The following ANPEP variants were observed in gnomAD, a reference collection of about 807,000 sequenced individuals.
ANPEP encodes aminopeptidase N.
In ANPEP, 70 loss-of-function variants were observed where a neutral mutation model predicts 114.6. The observed-to-expected ratio is 0.61, with a 90% CI of 0.50 to 0.75. The LOEUF is 0.75. Ranked by LOEUF, ANPEP falls within the 30% of genes least tolerant of loss-of-function variation. ANPEP has a pLI of 0.00. For missense variants in ANPEP, 1,184 were observed against 1,259.5 expected, an observed-to-expected ratio of 0.94 and a Z score of 0.91; for synonymous variants, 548 against 522.3, an observed-to-expected ratio of 1.05 and a Z score of -0.67.
At chr15:89,787,368 CG>C (rs1427370774) in intron 20 of ANPEP, among the ~76,000 whole-genome samples, 1 of 152,002 alleles carries the variant, frequency 6.6e-6, no homozygotes, top group African/African-American at 2.4e-5. Context: ...GAAAAAACAT[CG>C]TCAGGTCTTT....
chr15:89,787,791 C>A (rs1050929233), intron 20 of ANPEP, among the ~76,000 whole-genome samples: 5 of 152,180 alleles, frequency 3.3e-5, no homozygotes, highest in African/African-American at 1.2e-4. Context: ...CATAGTAAGA[C>A]CCTCTCTCGA....
At chr15:89,792,933 G>T in intron 16 of ANPEP, 102 bp downstream of exon 16, 1 of 1,049,596 alleles carries the variant, frequency 9.5e-7, no homozygotes, top group Non-Finnish European at 1.5e-6. Context: ...TCCCTGCCTG[G>T]TGCCCCCGCA....
Position 89,797,642 on chromosome 15 carries a change from G to T in ANPEP, c.2090C>A (p.Ala697Asp). 6.2e-7 allele frequency: 1 copy of T among 1,614,144 alleles called. No homozygotes were observed. ...GAAGTAGCTCAGGCTGCTCAGGGCG[G>T]CCTCCCAGGGCATGTACTGTCTCTC... ...IEERQYMPWE[A>D]ALSSLSYFKL... is the part of the protein sequence containing the mutation. The change falls in exon 15 of 21, where the codon GCC (alanine) becomes GAC (aspartate). Residue 697 changes from alanine to aspartate, a missense_variant. Coordinates refer to ENST00000300060, the MANE Select transcript of ANPEP (RefSeq NM_001150.3).
Position 89,806,470 on chromosome 15 carries a change from G to C in ANPEP, c.114C>G (p.Asn38Lys). 1 of 1,614,130 alleles carries C rather than the reference G, an allele frequency of 6.2e-7. No homozygotes were observed. Among genetic ancestry groups the C allele is most frequent in the Non-Finnish European group, 8.5e-7 (1 of 1,180,004 alleles). Reference sequence around the variant, plus strand: ...CCACGGGGGAGCTGTTGGCGTTCTTGTTCTTCTCCTGGGAGTACACCACTG... The same window carrying C: ...CCACGGGGGAGCTGTTGGCGTTCTTCTTCTTCTCCTGGGAGTACACCACTG... ...ALSVVYSQEK[N>K]KNANSSPVAS... Residue 38 changes from asparagine (N) to lysine (K), a missense_variant, in exon 2 of 21, where the codon AAC becomes AAG. Physicochemically the swap from Asn to Lys is moderately conservative, Grantham distance 94. Transcript: ENST00000300060. The surrounding 1 kb of genome is among the most constrained non-coding windows in gnomAD (Gnocchi z 5.7).
intron 4 of ANPEP, 100 bp downstream of exon 4, chr15:89,804,978 G>A (rs1040749408): frequency 2.3e-5 from 36 of 1,537,990 alleles, no homozygotes; most frequent in African/African-American, 9.5e-5. Context: ...TTCCAACCCT[G>A]GCCTAACAAT....
In ANPEP at chr15:89,799,962, T is replaced by C. The variant is rs529771101; in HGVS notation, c.1820-403A>G. On this transcript the variant is annotated intron_variant, in intron 12 of 20. Transcript: ENST00000300060. This position sits in a 1 kb window ranked among gnomAD's most constrained non-coding sequence, Gnocchi z 4.2. Reference sequence around the variant, plus strand: ...CATTCACCCAGACCCCCAGTGCTGCTGTCTCTTTCTGGGGCTTAGTGCCCC... The same window carrying C: ...CATTCACCCAGACCCCCAGTGCTGCCGTCTCTTTCTGGGGCTTAGTGCCCC... Among the ~76,000 whole-genome samples, 10 of 152,270 alleles carry C rather than the reference T, an allele frequency of 6.6e-5. No homozygotes were observed. In the East Asian group the frequency reaches 1.9e-3, roughly 29 times the overall value.
In ANPEP at chr15:89,795,330, T is replaced by C. The variant is rs116634035; in HGVS notation, c.2158-2204A>G. Among the ~76,000 whole-genome samples the C allele has an allele frequency of 8.4e-3, 1,277 of 151,876 alleles. 17 individuals are homozygous for C. The highest frequency in any genetic ancestry group is 0.029 in the African/African-American group (1,211 of 41,410). On this transcript the variant is annotated intron_variant, in intron 15 of 20. Transcript: ENST00000300060. ...AGAAGAGAAAAAGAAAACTAGAGGATGAAAGCAAGAGAAATAAGCTGGATT... is the reference window on the plus strand; with the variant it reads ...AGAAGAGAAAAAGAAAACTAGAGGACGAAAGCAAGAGAAATAAGCTGGATT...
intron 12 of ANPEP, among the ~76,000 whole-genome samples, chr15:89,800,903 C>T (rs1420397750): frequency 6.6e-6 from 1 of 152,126 alleles, no homozygotes; most frequent in Non-Finnish European, 1.5e-5. Context: ...TTGCTCTTAG[C>T]CTCATTTTAT....
In ANPEP at chr15:89,799,063, C is replaced by T. The variant is rs1390623815; in HGVS notation, c.2009+197G>A. Among the ~76,000 whole-genome samples the T allele has an allele frequency of 2.0e-5, 3 of 152,188 alleles. No individual in the cohort carries two copies. The highest frequency in any genetic ancestry group is 4.8e-5 in the African/African-American group (2 of 41,456). On this transcript the variant is annotated intron_variant, in intron 14 of 20. Transcript: ENST00000300060. The surrounding 1 kb of genome is among the most constrained non-coding windows in gnomAD (Gnocchi z 4.2). ...GCTGTCATGAACTACTGTGTGACTT[C>T]GGGCAAGGTGTCACATTCTTCATCT...
chr15:89,797,377 C>T (rs1399505327), intron 15 of ANPEP, 198 bp downstream of exon 15: 20 of 719,772 alleles, frequency 2.8e-5, no homozygotes, highest in Non-Finnish European at 4.3e-5. Flanking sequence ...CTCCATGTCC[C>T]TCCGGCTCGC....
intron 15 of ANPEP, among the ~76,000 whole-genome samples, chr15:89,794,558 G>A (rs1301276633): frequency 1.3e-5 from 2 of 152,032 alleles, no homozygotes; most frequent in African/African-American, 4.8e-5. Flanking sequence ...GGGAGGTAAG[G>A]ACTGCAAACA....
At chr15:89,797,488 G>A (rs893615) in intron 15 of ANPEP, 87 bp downstream of exon 15, 984,774 of 1,472,688 alleles carry the variant, frequency 0.67, 332,705 homozygotes, top group African/African-American at 0.89. Context: ...CAGGAGTCCA[G>A]TAGGCAATAG....
chr15:89,813,934 C>T (rs1192863652), intron 1 of ANPEP, among the ~76,000 whole-genome samples: 1 of 150,530 alleles, frequency 6.6e-6, no homozygotes, highest in Non-Finnish European at 1.5e-5. Context: ...GAGTGGGGAT[C>T]CAGTCACAAA....
chr15:89,799,667 A>G lies in ANPEP; in HGVS notation c.1820-108T>C. On this transcript the variant is annotated intron_variant, in intron 12 of 20. Transcript: ENST00000300060. The surrounding 1 kb of genome is among the most constrained non-coding windows in gnomAD (Gnocchi z 4.2). ...CGCAGCCTGGCACCACCTCACCCTC[A>G]AGCTGCTGGGGAGACGCTAAGGGTG... 6.6e-7 allele frequency: 1 copy of G among 1,515,682 alleles called. No individual in the cohort carries two copies. The allele number at this position is 1,515,682 out of a possible 1,614,324, so 93.9% of individuals were successfully genotyped here. A position where few individuals can be genotyped will look rare whatever the true frequency, so the allele number is the denominator to read the frequency against.
At chr15:89,805,582 G>T in intron 2 of ANPEP, 119 bp from the exon 3 acceptor site, 1 of 1,377,266 alleles carries the variant, frequency 7.3e-7, no homozygotes. Flanking sequence ...CCTAACCCCT[G>T]CTCCTGCTCC....
rs559745959 is a variant in ANPEP, at chr15:89,790,836, T to A, written c.2669+117A>T. ...CCTGCCCCACCCTAGCCCCCAGGCTTGGCTGATTTTTGTCCACTTCTGGTT... is the reference window on the plus strand; with the variant it reads ...CCTGCCCCACCCTAGCCCCCAGGCTAGGCTGATTTTTGTCCACTTCTGGTT... On this transcript the variant is annotated intron_variant, in intron 19 of 20. Coordinates refer to ENST00000300060, the MANE Select transcript of ANPEP (RefSeq NM_001150.3). 430 of 1,322,290 alleles carry A rather than the reference T, an allele frequency of 3.3e-4. 1 individual carries two copies. The highest frequency in any genetic ancestry group is 1.2e-4 in the Non-Finnish European group (115 of 962,644). 81.9% of individuals were successfully genotyped at this position (1,322,290 alleles called of 1,614,324 possible).
rs1462666340 is a variant in ANPEP, at chr15:89,801,565, C to T, written c.1612G>A (p.Asp538Asn). Residue 538 changes from aspartate (D) to asparagine (N), a missense_variant, in exon 11 of 21, where the codon GAC becomes AAC. Transcript: ENST00000300060. ...TGCAGGGTCCAGCGGTTCATGATGT[C>T]CCGCACGGTGGTGGGGAGTTGGATG... ...RSIQLPTTVR[D>N]IMNRWTLQMG... The T allele has an allele frequency of 1.9e-6, 3 of 1,613,992 alleles. No homozygotes were observed. The highest frequency in any genetic ancestry group is 2.7e-5 in the African/African-American group (2 of 74,930).
chr15:89,790,812 C>T, intron 19 of ANPEP, 141 bp downstream of exon 19: 2 of 1,127,974 alleles, frequency 1.8e-6, no homozygotes, highest in East Asian at 2.5e-5. Context: ...CTTTCCATTC[C>T]TGCCCCACCC....
rs771378829 is a variant in ANPEP, at chr15:89,799,299, T to A, written c.1970A>T (p.Asn657Ile). ...QRDHSAIPVI[N>I]RAQIINDAFN... ...GGCGTCATTAATGATCTGTGCCCGA[T>A]TGATGACAGGGATGGCCTAGAATGC... The change falls in exon 14 of 21, where the codon AAT becomes ATT. Residue 657 changes from asparagine (N) to isoleucine (I), a missense_variant. Transcript: ENST00000300060. This position sits in a 1 kb window ranked among gnomAD's most constrained non-coding sequence, Gnocchi z 4.2. 1 of 1,614,150 alleles carries A rather than the reference T, an allele frequency of 6.2e-7. No homozygotes were observed. The highest frequency in any genetic ancestry group is 1.7e-5 in the Admixed American group (1 of 60,026).
Sources: allele counts gnomAD v4.1 joint callset (sites outside exome capture counted in the v4.1 genomes callset), GRCh38; gene constraint gnomAD v4.1.1; non-coding constraint Gnocchi (gnomAD v3.1); transcripts MANE v1.5; gene names NCBI Gene and HGNC (gene_info 2026-07-23, HGNC 2026-07-21).